GRIP1: variants seen among roughly 807,000 people sequenced by gnomAD.
GRIP1 encodes glutamate receptor-interacting protein 1.
GRIP1 carries 45 observed loss-of-function variants against 129.9 expected under a neutral mutation model. The observed-to-expected ratio is 0.35, with a 90% CI of 0.27 to 0.44. The LOEUF is 0.44. GRIP1 is among the 20% of genes least tolerant of loss of function. The pLI, the probability that GRIP1 is intolerant of heterozygous loss-of-function variation, is 1.00. For synonymous variants in GRIP1, 530 were observed against 520.8 expected (o/e 1.02, Z -0.24); for missense variants, 1,196 against 1,396.8 (o/e 0.86, Z 2.29).
chr12:66,548,543 C>T (rs1220927825), intron 2 of GRIP1, among the ~76,000 whole-genome samples: 1 of 152,140 alleles, frequency 6.6e-6, no homozygotes, highest in African/African-American at 2.4e-5. Flanking sequence ...GGGACAGGTA[C>T]TGACTATGCC....
chr12:66,785,331 CATACATACATACATAT>C (rs1310505397), intron 1 of GRIP1, among the ~76,000 whole-genome samples: 61 of 35,054 alleles, frequency 1.7e-3, no homozygotes, highest in Non-Finnish European at 2.8e-3. Context: ...TACATACATA[CATACATACATACATAT>C]ATATATATAT....
rs142105524 is a variant in GRIP1, at chr12:66,837,258, C to T, written c.58+231792G>A. On this transcript the variant is annotated intron_variant, in intron 1 of 1. Transcript: ENST00000643019. ...AAGACACTGTTCTAATCTTTGATGC[C>T]CTCACATTAGAGTAAAGGAGAGAGA... Among the ~76,000 whole-genome samples, 54 of 152,232 alleles carry T rather than the reference C, an allele frequency of 3.5e-4. 1 individual carries two copies. The East Asian group carries it at 9.8e-3, about 28-fold the overall frequency.
intron 1 of GRIP1, among the ~76,000 whole-genome samples, chr12:66,842,429 C>T (rs766469567): frequency 1.3e-5 from 2 of 152,110 alleles, no homozygotes; most frequent in Non-Finnish European, 2.9e-5. Flanking sequence ...CCCAGCATCT[C>T]CACTCACTGT....
intron 1 of GRIP1, among the ~76,000 whole-genome samples, chr12:66,842,684 C>T (rs978307924): frequency 6.6e-6 from 1 of 152,154 alleles, no homozygotes; most frequent in African/African-American, 2.4e-5. Flanking sequence ...ATAGGGATGT[C>T]TCTGATACTG....
chr12:67,059,976 T>A (rs1238930922), intron 1 of GRIP1, among the ~76,000 whole-genome samples: 1 of 152,208 alleles, frequency 6.6e-6, no homozygotes, highest in East Asian at 1.9e-4. Context: ...CAAGAACAGA[T>A]GCAGTCAAAC....
intron 1 of GRIP1, among the ~76,000 whole-genome samples, chr12:66,930,973 A>G (rs937022268): frequency 6.6e-6 from 1 of 152,180 alleles, no homozygotes; most frequent in African/African-American, 2.4e-5. Flanking sequence ...GTTAGGTGGG[A>G]TCCTCTCCTA....
chr12:66,552,093 G>C (rs181617588), intron 2 of GRIP1, among the ~76,000 whole-genome samples: 1 of 152,304 alleles, frequency 6.6e-6, no homozygotes, highest in Non-Finnish European at 1.5e-5. Flanking sequence ...GTGAGAGCTA[G>C]TCATTGCTGA....
intron 1 of GRIP1, among the ~76,000 whole-genome samples, chr12:66,987,596 A>G (rs758503591): frequency 2.6e-5 from 4 of 152,160 alleles, no homozygotes; most frequent in Non-Finnish European, 5.9e-5. Flanking sequence ...TCAACACCAC[A>G]GGTCATCTTT....
chr12:66,511,759 G>T (rs897871569), intron 7 of GRIP1, among the ~76,000 whole-genome samples: 3 of 152,162 alleles, frequency 2.0e-5, no homozygotes, highest in Non-Finnish European at 4.4e-5. Flanking sequence ...TCTCAGGCAA[G>T]GAGAACTGAG....
At chr12:67,015,981 A>C (rs2135728744) in intron 1 of GRIP1, among the ~76,000 whole-genome samples, 1 of 152,348 alleles carries the variant, frequency 6.6e-6, no homozygotes, top group Middle Eastern at 3.4e-3. Context: ...CAGACCTCTC[A>C]GGTGGCTGAA....
chr12:66,775,868 G>A (rs1193225741), intron 1 of GRIP1, among the ~76,000 whole-genome samples: 1 of 152,146 alleles, frequency 6.6e-6, no homozygotes, highest in African/African-American at 2.4e-5. Context: ...AGAAACACTG[G>A]AATAAAGAGT....
intron 1 of GRIP1, among the ~76,000 whole-genome samples, chr12:66,884,567 G>T (rs2040533651): frequency 6.6e-6 from 1 of 152,052 alleles, no homozygotes; most frequent in Admixed American, 6.6e-5. Context: ...AATTGGAAAT[G>T]AACAATAATG....
intron 2 of GRIP1, among the ~76,000 whole-genome samples, chr12:66,560,291 C>T (rs937888985): frequency 5.9e-5 from 9 of 152,064 alleles, no homozygotes; most frequent in Non-Finnish European, 1.5e-5. Flanking sequence ...TCCACAAGCA[C>T]AGGCAACCAA....
At chr12:66,701,513 A>G (rs1289128401) in intron 1 of GRIP1, among the ~76,000 whole-genome samples, 2 of 152,214 alleles carry the variant, frequency 1.3e-5, no homozygotes, top group Non-Finnish European at 2.9e-5. Context: ...ACATCTGGAA[A>G]GATGTACAAG....
At chr12:66,560,257 G>A (rs1192892042) in intron 2 of GRIP1, among the ~76,000 whole-genome samples, 1 of 152,042 alleles carries the variant, frequency 6.6e-6, no homozygotes, top group African/African-American at 2.4e-5. Flanking sequence ...ACATTGATTT[G>A]GGCAAAAATT....
At chr12:66,866,546 T>C (rs1454949633) in intron 1 of GRIP1, among the ~76,000 whole-genome samples, 3 of 152,332 alleles carry the variant, frequency 2.0e-5, no homozygotes, top group Non-Finnish European at 4.4e-5. Flanking sequence ...TAAGACCTAC[T>C]AATTGATAGC....
At chr12:66,461,446 G>C (rs1445328005) in intron 9 of GRIP1, among the ~76,000 whole-genome samples, 5 of 152,214 alleles carry the variant, frequency 3.3e-5, no homozygotes, top group African/African-American at 1.2e-4. Context: ...CTCTGCCAGA[G>C]TGCAGGAAGG....
At chr12:66,951,765 T>C (rs1044069580) in intron 1 of GRIP1, among the ~76,000 whole-genome samples, 1 of 152,118 alleles carries the variant, frequency 6.6e-6, no homozygotes, top group Non-Finnish European at 1.5e-5. Flanking sequence ...TTGGACAGAT[T>C]TGACAGCCAT....
intron 1 of GRIP1, among the ~76,000 whole-genome samples, chr12:66,955,812 T>C (rs1216333507): frequency 6.6e-6 from 1 of 152,188 alleles, no homozygotes; most frequent in Non-Finnish European, 1.5e-5. Flanking sequence ...CTGCCTATAC[T>C]ACATTATTTA....
Sources: gnomAD v4.1 joint callset for allele counts (sites outside exome capture counted in the v4.1 genomes callset) on GRCh38, gnomAD v4.1.1 for gene constraint, MANE v1.5 for transcripts, NCBI Gene and HGNC (gene_info 2026-07-23, HGNC 2026-07-21) for gene names.